Variants in IKBKB observed in about 807,000 individuals in gnomAD.
IKBKB encodes inhibitor of nuclear factor kappa B kinase subunit beta.
IKBKB carries 42 observed loss-of-function variants against 113.6 expected under a neutral mutation model. That is an observed-to-expected ratio of 0.37 (90% confidence interval 0.29 to 0.48). The LOEUF (loss-of-function observed/expected upper bound fraction) is 0.48, where lower values mean the gene tolerates loss of function less well. Ranked by LOEUF, IKBKB falls within the 20% of genes least tolerant of loss-of-function variation. The probability of loss-of-function intolerance (pLI) is 0.99; values close to 1 mark genes in which losing one functional copy is unlikely to be tolerated. For missense variants in IKBKB, 673 were observed against 939.7 expected (o/e 0.72, Z 3.71); for synonymous variants, 296 against 361.3 (o/e 0.82, Z 2.05).
At chr8:42,280,993 G>A (rs1020356037) in intron 2 of IKBKB, among the ~76,000 whole-genome samples, 3 of 152,068 alleles carry the variant, frequency 2.0e-5, no homozygotes, top group Admixed American at 1.3e-4. Flanking sequence ...CCTGCCCTTC[G>A]TGTGCTTACT....
At chr8:42,295,325 G>T (rs1323906236) in intron 5 of IKBKB, among the ~76,000 whole-genome samples, 3 of 152,042 alleles carry the variant, frequency 2.0e-5, no homozygotes, top group Non-Finnish European at 4.4e-5. Flanking sequence ...CATCATGTTG[G>T]CCAGGATGGT....
chr8:42,330,109 T>C, intron 21 of IKBKB: 1 of 985,418 alleles, frequency 1.0e-6, no homozygotes, highest in Non-Finnish European at 1.2e-6. Context: ...GGCCAAGTCA[T>C]GTGGTGAGGC....
Position 42,305,173 on chromosome 8 carries a change from C to T in IKBKB, c.389-14C>T, listed in dbSNP as rs202131191. The T allele has an allele frequency of 5.8e-5, 93 of 1,600,042 alleles. No individual in the cohort carries two copies. In the Middle Eastern group the frequency reaches 8.3e-4, roughly 14 times the overall value. ...TTTTTAGGCCTAAGAAAAACTCACCCCCCTCTTCCTCAGCCTCTGCGCTTA... is the reference window on the plus strand; with the variant it reads ...TTTTTAGGCCTAAGAAAAACTCACCTCCCTCTTCCTCAGCCTCTGCGCTTA... On this transcript the variant is annotated splice_polypyrimidine_tract_variant and intron_variant, in intron 5 of 21. Coordinates refer to ENST00000520810, the MANE Select transcript of IKBKB (RefSeq NM_001556.3).
In IKBKB at chr8:42,278,912, T is replaced by C. The variant is rs17875743; in HGVS notation, c.105+6707T>C. Among the ~76,000 whole-genome samples the C allele has an allele frequency of 5.5e-3, 843 of 152,218 alleles. 5 individuals carry two copies. The highest frequency in any genetic ancestry group is 0.01 in the Middle Eastern group (3 of 294). ...AGGAGGCTGAGGCAGGAGAATTACT[T>C]GAACCCAGGAGGTGGAGGTTGCAGT... On this transcript the variant is annotated intron_variant, in intron 2 of 21. Coordinates refer to ENST00000520810, the MANE Select transcript of IKBKB (RefSeq NM_001556.3).
Position 42,271,412 on chromosome 8 carries a change from C to T in IKBKB, c.-76C>T. 1 of 1,512,624 alleles carries T rather than the reference C, an allele frequency of 6.6e-7. No homozygotes were observed. The highest frequency in any genetic ancestry group is 8.9e-7 in the Non-Finnish European group (1 of 1,129,076). The allele number at this position is 1,512,624 out of a possible 1,614,324, so 93.7% of individuals were successfully genotyped here. Reference sequence around the variant, plus strand: ...GTCATAGCCCCGGGTTTGGCCGCCCCAGCCCCGCCTTCCCCGCCCCGGGGA... The same window carrying T: ...GTCATAGCCCCGGGTTTGGCCGCCCTAGCCCCGCCTTCCCCGCCCCGGGGA... On this transcript the variant is annotated 5_prime_UTR_variant, in exon 1 of 22. Transcript: ENST00000520810.
intron 8 of IKBKB, among the ~76,000 whole-genome samples, chr8:42,313,292 A>T (rs949036756): frequency 6.6e-6 from 1 of 152,148 alleles, no homozygotes; most frequent in Non-Finnish European, 1.5e-5. Context: ...CTCTACAAAA[A>T]ATACAAAAAT....
At chr8:42,322,638 C>G (rs897275518) in intron 19 of IKBKB, 144 bp downstream of exon 19, 1 of 807,210 alleles carries the variant, frequency 1.2e-6, no homozygotes, top group Admixed American at 2.5e-5. Flanking sequence ...CGTCGCTGTT[C>G]TTTGACTTGG....
chr8:42,281,947 C>T (rs1810441448), intron 2 of IKBKB, among the ~76,000 whole-genome samples: 1 of 152,166 alleles, frequency 6.6e-6, no homozygotes, highest in Non-Finnish European at 1.5e-5. Context: ...TTTGTTTCTC[C>T]TGTGACTGGG....
chr8:42,312,998 C>T (rs759543211), intron 8 of IKBKB, among the ~76,000 whole-genome samples: 8 of 152,212 alleles, frequency 5.3e-5, no homozygotes, highest in Non-Finnish European at 1.0e-4. Context: ...ATCATCATTT[C>T]CTTTAGTCCA....
At position 42,271,413 on chromosome 8, in the gene IKBKB, AGCCCCGCCTTCCCC is replaced by A; in HGVS notation, c.-68_-55del. 1 of 1,506,422 alleles carries A rather than the reference AGCCCCGCCTTCCCC, an allele frequency of 6.6e-7. No individual in the cohort carries two copies. The highest frequency in any genetic ancestry group is 8.9e-7 in the Non-Finnish European group (1 of 1,124,458). 93.3% of individuals were successfully genotyped at this position (1,506,422 alleles called of 1,614,324 possible). On this transcript the variant is annotated 5_prime_UTR_variant, in exon 1 of 22. The change abolishes the stop of an existing upstream ORF in the 5' untranslated region. Transcript: ENST00000520810. ...TCATAGCCCCGGGTTTGGCCGCCCCAGCCCCGCCTTCCCCGCCCCGGGGAGCCCGCCCCCTGCCC... is the reference window on the plus strand; with the variant it reads ...TCATAGCCCCGGGTTTGGCCGCCCCAGCCCCGGGGAGCCCGCCCCCTGCCC...
At chr8:42,287,445 C>T (rs559678097) in intron 2 of IKBKB, among the ~76,000 whole-genome samples, 9 of 152,352 alleles carry the variant, frequency 5.9e-5, no homozygotes, top group African/African-American at 2.2e-4. Flanking sequence ...AGGGTGAGAC[C>T]CTCTTGAGCT....
In IKBKB at chr8:42,329,519, G is replaced by C. The variant is rs372808010; in HGVS notation, c.2205+305G>C. 4 of 879,346 alleles carry C rather than the reference G, an allele frequency of 4.5e-6. No homozygotes were observed. The African/African-American group carries it at 7.2e-5, about 16-fold the overall frequency. 54.5% of individuals were successfully genotyped at this position (879,346 alleles called of 1,614,324 possible). Reference sequence around the variant, plus strand: ...TTCAGTGTATATTTATAATTTTCTAGTACACATTTTTTATTATTCATAATA... The same window carrying C: ...TTCAGTGTATATTTATAATTTTCTACTACACATTTTTTATTATTCATAATA... On this transcript the variant is annotated intron_variant, in intron 21 of 21. Transcript: ENST00000520810.
At chr8:42,274,244 G>A (rs1051532444) in intron 2 of IKBKB, among the ~76,000 whole-genome samples, 2 of 152,058 alleles carry the variant, frequency 1.3e-5, no homozygotes, top group Non-Finnish European at 2.9e-5. Flanking sequence ...AGGCCATGCC[G>A]GTCTCAAACT....
At chr8:42,280,450 G>A (rs1239047934) in intron 2 of IKBKB, among the ~76,000 whole-genome samples, 1 of 152,182 alleles carries the variant, frequency 6.6e-6, no homozygotes, top group Non-Finnish European at 1.5e-5. Context: ...ATAACCGAGT[G>A]CTCCCACCTG....
intron 19 of IKBKB, chr8:42,325,490 C>T: frequency 1.3e-6 from 1 of 750,246 alleles, no homozygotes; most frequent in Non-Finnish European, 1.6e-6. Context: ...ACCAGCCTGG[C>T]CAATATGGTG....
chr8:42,310,420 A>G (rs952097933), intron 8 of IKBKB, among the ~76,000 whole-genome samples: 3 of 152,166 alleles, frequency 2.0e-5, no homozygotes, highest in East Asian at 1.9e-4. Flanking sequence ...GGTGTTTGCT[A>G]CGTGTTCCAG....
At chr8:42,306,271 A>T in intron 6 of IKBKB, 72 bp from the exon 7 acceptor site, 1 of 945,220 alleles carries the variant, frequency 1.1e-6, no homozygotes, top group Non-Finnish European at 1.7e-6. Context: ...CTCTAACACC[A>T]GGCAGTCAGA....
intron 1 of IKBKB, 73 bp downstream of exon 1, chr8:42,271,542 A>G: frequency 1.7e-6 from 1 of 593,658 alleles, no homozygotes; most frequent in South Asian, 2.0e-5. Flanking sequence ...CAAGGCCCGG[A>G]AGACCCCTCT....
At chr8:42,276,414 GC>G (rs1412898585) in intron 2 of IKBKB, among the ~76,000 whole-genome samples, 1 of 152,114 alleles carries the variant, frequency 6.6e-6, no homozygotes, top group Non-Finnish European at 1.5e-5. Flanking sequence ...CAAATCATTT[GC>G]CCATTTGAAA....
Sources: allele counts gnomAD v4.1 joint callset (sites outside exome capture counted in the v4.1 genomes callset), GRCh38; gene constraint gnomAD v4.1.1; transcripts MANE v1.5; gene names NCBI Gene and HGNC (gene_info 2026-07-23, HGNC 2026-07-21).